The following LGR5 variants were observed in gnomAD, a reference collection of about 807,000 sequenced individuals.
The protein encoded by LGR5 is leucine-rich repeat-containing G protein-coupled receptor 5.
A neutral mutation model predicts 76.7 loss-of-function variants in LGR5; 54 were observed. The observed-to-expected ratio is 0.70, with a 90% CI of 0.57 to 0.88. LGR5 has a LOEUF of 0.88. LGR5 is among the 40% of genes least tolerant of loss of function. LGR5 has a pLI of 0.00. For synonymous variants in LGR5, 406 were observed against 421.9 expected (o/e 0.96, Z 0.46); for missense variants, 1,078 against 1,073.3 (o/e 1.00, Z -0.06).
intron 1 of LGR5, among the ~76,000 whole-genome samples, chr12:71,482,598 A>G (rs1386269151): frequency 3.3e-5 from 5 of 152,214 alleles, no homozygotes; most frequent in African/African-American, 9.7e-5. Context: ...TTGAGGGAAC[A>G]CAATTCACCC....
intron 8 of LGR5, among the ~76,000 whole-genome samples, chr12:71,564,817 TAG>T (rs1456947358): frequency 2.8e-4 from 42 of 149,592 alleles, no homozygotes; most frequent in African/African-American, 8.1e-4. Flanking sequence ...ACACTGTATA[TAG>T]ATACACATAT....
At chr12:71,530,625 A>G (rs982195739) in intron 3 of LGR5, among the ~76,000 whole-genome samples, 4 of 152,170 alleles carry the variant, frequency 2.6e-5, no homozygotes, top group African/African-American at 7.2e-5. Flanking sequence ...AAAAATAAGT[A>G]ATTGGTTCTG....
intron 1 of LGR5, among the ~76,000 whole-genome samples, chr12:71,484,460 C>T (rs1343228298): frequency 6.6e-6 from 1 of 152,150 alleles, no homozygotes; most frequent in Non-Finnish European, 1.5e-5. Flanking sequence ...TTGAGTCCAC[C>T]TCCTACTGGT....
chr12:71,496,886 G>A (rs4569096), intron 1 of LGR5, among the ~76,000 whole-genome samples: 113,662 of 151,728 alleles, frequency 0.75, 42,862 homozygotes, highest in East Asian at 0.87. Context: ...AAACTAATAT[G>A]AAACGTTAGA....
At chr12:71,557,579 A>G (rs1194379329) in intron 6 of LGR5, among the ~76,000 whole-genome samples, 1 of 152,136 alleles carries the variant, frequency 6.6e-6, no homozygotes, top group Non-Finnish European at 1.5e-5. Context: ...ATTGGTACCT[A>G]TAGTAAAAAT....
At chr12:71,448,696 T>G (rs985200439) in intron 1 of LGR5, 2 of 152,248 alleles carry the variant, frequency 1.3e-5, no homozygotes, top group African/African-American at 2.4e-5. Flanking sequence ...AAATAAAAAT[T>G]TCCATAGAAG....
intron 11 of LGR5, 158 bp from the exon 12 acceptor site, chr12:71,571,356 A>G (rs1248894576): frequency 1.7e-5 from 9 of 520,156 alleles, no homozygotes; most frequent in East Asian, 1.2e-4. Flanking sequence ...GGTTAATCCA[A>G]TAATGGCTGT....
chr12:71,540,871 A>T (rs1482149344), intron 4 of LGR5, among the ~76,000 whole-genome samples: 1 of 152,238 alleles, frequency 6.6e-6, no homozygotes, highest in African/African-American at 2.4e-5. Flanking sequence ...GGGGTTAAAA[A>T]AACAGTGGTT....
At chr12:71,519,433 AT>A (rs1469855757) in intron 2 of LGR5, among the ~76,000 whole-genome samples, 3 of 152,146 alleles carry the variant, frequency 2.0e-5, no homozygotes, top group Non-Finnish European at 4.4e-5. Flanking sequence ...ATCTTGTCAC[AT>A]TAGAATACCA....
chr12:71,509,041 G>A (rs1447601254), intron 2 of LGR5, among the ~76,000 whole-genome samples: 2 of 152,252 alleles, frequency 1.3e-5, no homozygotes, highest in African/African-American at 2.4e-5. Context: ...GCATAGAGAA[G>A]GGGAGTCTTT....
At chr12:71,548,497 C>T (rs1877312006) in intron 4 of LGR5, among the ~76,000 whole-genome samples, 2 of 152,044 alleles carry the variant, frequency 1.3e-5, no homozygotes. Context: ...CTCATTTTGG[C>T]CACTTTTGCT....
rs1879038078 is a variant in LGR5 at position 71,580,356 on chromosome 12, G to A, written c.1485G>A (p.Trp495Ter). The A allele has an allele frequency of 6.2e-7, 1 of 1,613,868 alleles. No individual in the cohort carries two copies. The highest frequency in any genetic ancestry group is 1.7e-5 in the Admixed American group (1 of 59,984). Residue 495 changes from tryptophan (W) to a stop codon, truncating the protein, a stop_gained, in exon 16 of 18, where the codon TGG becomes TGA. Transcript: ENST00000266674. LOFTEE classifies it high-confidence loss of function. ...ATGCCTATAAGATTTCTAATCAATG[G>A]AATAAAGGTGACAACAGCAGTATGG... ...CENAYKISNQ[W>*]NKGDNSSMDD...
intron 3 of LGR5, among the ~76,000 whole-genome samples, chr12:71,534,738 C>T (rs1876496292): frequency 4.6e-5 from 7 of 152,206 alleles, no homozygotes; most frequent in Admixed American, 4.6e-4. Context: ...TTACTCTTCT[C>T]TTTTCCTTGG....
At chr12:71,477,086 G>C (rs1381709658) in intron 1 of LGR5, among the ~76,000 whole-genome samples, 2 of 152,108 alleles carry the variant, frequency 1.3e-5, no homozygotes, top group African/African-American at 4.8e-5. Flanking sequence ...CAAGAAGCAA[G>C]CCAATTCCTG....
At chr12:71,558,309 T>C (rs924186910) in intron 6 of LGR5, among the ~76,000 whole-genome samples, 1 of 152,216 alleles carries the variant, frequency 6.6e-6, no homozygotes, top group African/African-American at 2.4e-5. Flanking sequence ...GTCTTTTTTT[T>C]CCCCTCAATG....
Position 71,577,932 on chromosome 12 carries a change from G to T in LGR5, c.1216G>T (p.Ala406Ser). 1 of 1,611,516 alleles carries T rather than the reference G, an allele frequency of 6.2e-7. No homozygotes were observed. The highest frequency in any genetic ancestry group is 8.5e-7 in the Non-Finnish European group (1 of 1,177,972). The change falls in exon 14 of 18, where the codon GCT becomes TCT. Residue 406 changes from alanine to serine, a missense_variant. Physicochemically the swap from Ala to Ser is moderately conservative, Grantham distance 99. Transcript: ENST00000266674. ...QLLSLRSLNL[A>S]WNKIAIIHPN... Reference sequence around the variant, plus strand: ...TGCCTTTTTTTACAATAGGAATTTGGCTTGGAACAAAATTGCTATTATTCA... The same window carrying T: ...TGCCTTTTTTTACAATAGGAATTTGTCTTGGAACAAAATTGCTATTATTCA...
chr12:71,463,689 A>G (rs1872757434), intron 1 of LGR5, among the ~76,000 whole-genome samples: 1 of 152,158 alleles, frequency 6.6e-6, no homozygotes, highest in South Asian at 2.1e-4. Context: ...TACTACAGAA[A>G]ATATTAACAC....
chr12:71,555,649 A>G (rs1230742264), intron 5 of LGR5, among the ~76,000 whole-genome samples: 1 of 152,190 alleles, frequency 6.6e-6, no homozygotes, highest in Non-Finnish European at 1.5e-5. Context: ...CCAGGTGTCA[A>G]TGATGGTCAG....
chr12:71,549,801 T>C (rs549486458), intron 4 of LGR5, among the ~76,000 whole-genome samples: 13 of 152,346 alleles, frequency 8.5e-5, no homozygotes, highest in African/African-American at 2.9e-4. Context: ...TGAAGGTCTA[T>C]GCTGTTGAGC....
Sources: allele counts gnomAD v4.1 joint callset (sites outside exome capture counted in the v4.1 genomes callset), GRCh38; gene constraint gnomAD v4.1.1; transcripts MANE v1.5; gene names NCBI Gene and HGNC (gene_info 2026-07-23, HGNC 2026-07-21).